Variants in SLC49A4 observed in about 807,000 individuals in gnomAD.
SLC49A4 encodes the protein solute carrier family 49 member 4.
SLC49A4 carries 36 observed loss-of-function variants against 50.6 expected under a neutral mutation model. The ratio of observed to expected loss-of-function variants is 0.71; its 90% confidence interval spans 0.55 to 0.94. The LOEUF is 0.94. Among genes scored for constraint, SLC49A4 ranks in the 40% least tolerant of loss-of-function variants. The pLI is 0.00. For synonymous variants in SLC49A4, 248 were observed against 241.2 expected, an observed-to-expected ratio of 1.03 and a Z score of -0.26; for missense variants, 503 against 605.7, an observed-to-expected ratio of 0.83 and a Z score of 1.78.
At chr3:122,806,544 A>AT (rs1936221762) in intron 1 of SLC49A4, among the ~76,000 whole-genome samples, 1 of 151,752 alleles carries the variant, frequency 6.6e-6, no homozygotes, top group African/African-American at 2.4e-5. Context: ...CACACGGCTA[A>AT]TTTTTTTATT....
At chr3:122,849,549 T>G (rs1936898574) in intron 5 of SLC49A4, among the ~76,000 whole-genome samples, 1 of 152,202 alleles carries the variant, frequency 6.6e-6, no homozygotes, top group Admixed American at 6.5e-5. Context: ...TTCATTGTAG[T>G]TTTGTTGTAC....
At position 122,801,199 on chromosome 3, in the gene SLC49A4, A is replaced by G. The variant is rs1165547902; in HGVS notation, c.344-5658A>G. Reference sequence around the variant, plus strand: ...GGAAACACATGAGGTGGTTGAGAAGAAGTAGCAAGCTCCCAAATTGTCATT... The same window carrying G: ...GGAAACACATGAGGTGGTTGAGAAGGAGTAGCAAGCTCCCAAATTGTCATT... On this transcript the variant is annotated intron_variant, in intron 1 of 8. Coordinates refer to ENST00000261038, the MANE Select transcript of SLC49A4 (RefSeq NM_032839.3). Among the ~76,000 whole-genome samples, 3 of 152,268 alleles carry G rather than the reference A, an allele frequency of 2.0e-5. No homozygotes were observed. In the East Asian group the frequency reaches 5.8e-4, roughly 29 times the overall value.
chr3:122,855,512 C>T (rs1454322235), intron 5 of SLC49A4, among the ~76,000 whole-genome samples: 1 of 152,038 alleles, frequency 6.6e-6, no homozygotes, highest in Non-Finnish European at 1.5e-5. Context: ...GAACTGAGAC[C>T]TAGAGTATGA....
At chr3:122,825,752 C>T (rs996210548) in intron 2 of SLC49A4, among the ~76,000 whole-genome samples, 1 of 151,928 alleles carries the variant, frequency 6.6e-6, no homozygotes, top group African/African-American at 2.4e-5. Context: ...TTTCCTCTAC[C>T]TCCAGGGCAA....
intron 2 of SLC49A4, among the ~76,000 whole-genome samples, chr3:122,808,558 G>A (rs1352123391): frequency 1.3e-5 from 2 of 152,184 alleles, no homozygotes; most frequent in African/African-American, 2.4e-5. Context: ...TAGCAAATGA[G>A]GTCAGAGCGG....
At chr3:122,842,539 G>A (rs1936787242) in intron 4 of SLC49A4, among the ~76,000 whole-genome samples, 1 of 143,916 alleles carries the variant, frequency 6.9e-6, no homozygotes, top group Non-Finnish European at 1.5e-5. Flanking sequence ...TAGCAATAGA[G>A]AAGGGTAGAC....
intron 4 of SLC49A4, among the ~76,000 whole-genome samples, chr3:122,836,073 T>C (rs564560873): frequency 6.5e-4 from 99 of 152,254 alleles, no homozygotes; most frequent in Admixed American, 1.6e-3. Flanking sequence ...CTACAATAAC[T>C]ACAAAACACT....
At position 122,838,826 on chromosome 3, in the gene SLC49A4, C is replaced by A. The variant is rs545043912; in HGVS notation, c.833+5380C>A. ...TGACCATACTGCCCAAAGCAATCTA[C>A]AGATTCAGTGCAGTTACTATCAAAA... is the stretch of plus-strand genomic sequence containing the variant. On this transcript the variant is annotated intron_variant, in intron 4 of 8. Coordinates refer to ENST00000261038, the MANE Select transcript of SLC49A4 (RefSeq NM_032839.3). Among the ~76,000 whole-genome samples, 3 of 152,140 alleles carry A rather than the reference C, an allele frequency of 2.0e-5. No homozygotes were observed. In the East Asian group the frequency reaches 5.8e-4, roughly 29 times the overall value.
chr3:122,863,225 G>T (rs984465723), intron 7 of SLC49A4, among the ~76,000 whole-genome samples: 1 of 152,172 alleles, frequency 6.6e-6, no homozygotes, highest in African/African-American at 2.4e-5. Context: ...ATTATAGCAG[G>T]TTTTTGTCTC....
chr3:122,796,450 TGGGTAGTTCATAAAC>T (rs1161857777), intron 1 of SLC49A4, among the ~76,000 whole-genome samples: 2 of 152,208 alleles, frequency 1.3e-5, no homozygotes, highest in Non-Finnish European at 2.9e-5. Flanking sequence ...TACCATAAAC[TGGGTAGTTCATAAAC>T]ACAGAAATTT....
At chr3:122,817,087 A>T (rs1936378053) in intron 2 of SLC49A4, among the ~76,000 whole-genome samples, 1 of 152,222 alleles carries the variant, frequency 6.6e-6, no homozygotes, top group Non-Finnish European at 1.5e-5. Flanking sequence ...AATAAATTCA[A>T]ATAAACAAAA....
intron 4 of SLC49A4, among the ~76,000 whole-genome samples, chr3:122,844,047 A>C (rs1366252131): frequency 1.3e-5 from 2 of 152,186 alleles, no homozygotes; most frequent in Non-Finnish European, 2.9e-5. Flanking sequence ...ATCCTCATGC[A>C]CGTCACCATA....
At chr3:122,865,318 C>T (rs1937103750) in intron 7 of SLC49A4, among the ~76,000 whole-genome samples, 1 of 152,210 alleles carries the variant, frequency 6.6e-6, no homozygotes, top group South Asian at 2.1e-4. Flanking sequence ...GTGTTTCTTA[C>T]AGTTAGAGGG....
At chr3:122,838,658 TAACA>T (rs1300536451) in intron 4 of SLC49A4, among the ~76,000 whole-genome samples, 2 of 151,958 alleles carry the variant, frequency 1.3e-5, no homozygotes, top group African/African-American at 4.8e-5. Flanking sequence ...TATACATATG[TAACA>T]AACCTGCAGA....
At chr3:122,818,995 T>C (rs781324185) in intron 2 of SLC49A4, among the ~76,000 whole-genome samples, 3 of 151,586 alleles carry the variant, frequency 2.0e-5, no homozygotes, top group African/African-American at 4.9e-5. Context: ...GGCTTATGCC[T>C]ATAATCCTAG....
Position 122,797,837 on chromosome 3 carries a change from C to A in SLC49A4, c.343+2302C>A, listed in dbSNP as rs544759293. Among the ~76,000 whole-genome samples the A allele has an allele frequency of 2.6e-5, 4 of 152,136 alleles. No individual in the cohort carries two copies. In the South Asian group the frequency reaches 8.3e-4, roughly 32 times the overall value. ...ATCTACAAAAAATACAAAAATTAGCCAGACATGTTGGCATGCGCCTGTAGT... is the reference window on the plus strand; with the variant it reads ...ATCTACAAAAAATACAAAAATTAGCAAGACATGTTGGCATGCGCCTGTAGT... On this transcript the variant is annotated intron_variant, in intron 1 of 8. Coordinates refer to ENST00000261038, the MANE Select transcript of SLC49A4 (RefSeq NM_032839.3).
At chr3:122,839,952 T>C (rs1936745132) in intron 4 of SLC49A4, among the ~76,000 whole-genome samples, 1 of 152,164 alleles carries the variant, frequency 6.6e-6, no homozygotes, top group African/African-American at 2.4e-5. Context: ...TACATGTTTA[T>C]ACCAACACAA....
intron 5 of SLC49A4, among the ~76,000 whole-genome samples, chr3:122,852,136 C>T (rs931916210): frequency 3.3e-5 from 5 of 151,858 alleles, no homozygotes; most frequent in Non-Finnish European, 4.4e-5. Flanking sequence ...GGACTACAGG[C>T]GCGTACAACC....
intron 2 of SLC49A4, among the ~76,000 whole-genome samples, chr3:122,825,036 A>G (rs1936507879): frequency 6.6e-6 from 1 of 152,004 alleles, no homozygotes; most frequent in Non-Finnish European, 1.5e-5. Context: ...CCCAGCCAGG[A>G]GTCCTGCTTT....
Sources: allele counts gnomAD v4.1 joint callset (sites outside exome capture counted in the v4.1 genomes callset), GRCh38; gene constraint gnomAD v4.1.1; transcripts MANE v1.5; gene names NCBI Gene and HGNC (gene_info 2026-07-23, HGNC 2026-07-21).